SLC6A12: variants seen among roughly 807,000 people sequenced by gnomAD.
SLC6A12 encodes sodium- and chloride-dependent betaine transporter.
Under a neutral mutation model 73.3 loss-of-function variants are expected in SLC6A12, and 50 were observed. That is an observed-to-expected ratio of 0.68 (90% CI 0.54 to 0.86). The LOEUF is 0.86. SLC6A12 is among the 40% of genes least tolerant of loss of function. SLC6A12 has a pLI of 0.00. For synonymous variants in SLC6A12, 304 were observed against 309.2 expected (o/e 0.98, Z 0.18); for missense variants, 648 against 772.8 (o/e 0.84, Z 1.92).
At chr12:193,921 AC>A (rs1939742016) in intron 13 of SLC6A12, 1 of 152,264 alleles carries the variant, frequency 6.6e-6, no homozygotes, top group Non-Finnish European at 1.5e-5. Flanking sequence ...TTTAGTGAAA[AC>A]ATTGACTGGC....
In SLC6A12 at chr12:202,827, T is replaced by C. The variant is rs528449037; in HGVS notation, c.403A>G (p.Ile135Val). ...IESYLNVYYI[I>V]ILAWALFYLF... is the part of the protein sequence containing the mutation. ...TAGAAGAGAGCCCAGGCAAGGATGATGATGTAGTAGACATTCAAATATGAC... is the reference window on the plus strand; with the variant it reads ...TAGAAGAGAGCCCAGGCAAGGATGACGATGTAGTAGACATTCAAATATGAC... Residue 135 changes from isoleucine (I) to valine (V), a missense_variant, in exon 5 of 16, where the codon ATC (isoleucine) becomes GTC (valine). Physicochemically the swap from Ile to Val is conservative, Grantham distance 29 (BLOSUM62 3). Transcript: ENST00000684302. 6.2e-7 allele frequency: 1 copy of C among 1,613,948 alleles called. No individual in the cohort carries two copies. Among genetic ancestry groups the C allele is most frequent in the Admixed American group, 1.7e-5 (1 of 60,016 alleles).
Position 193,370 on chromosome 12 carries a change from G to T in SLC6A12, c.1437C>A (p.Asp479Glu). 1 of 1,613,348 alleles carries T rather than the reference G, an allele frequency of 6.2e-7. No homozygotes were observed. ...VVCISWVYGA[D>E]RFYDNIEDMI... ...TGTCCTCAATGTTGTCATAGAAACG[G>T]TCCGCCCCTGAGCAGGCATGGCGTG... Residue 479 changes from aspartate (D) to glutamate (E), a missense_variant, in exon 14 of 16, where the codon GAC becomes GAA. Coordinates refer to ENST00000684302, the MANE Select transcript of SLC6A12 (RefSeq NM_001122848.3).
intron 14 of SLC6A12, 53 bp from the exon 15 acceptor site, chr12:192,701 C>T: frequency 6.4e-7 from 1 of 1,552,526 alleles, no homozygotes; most frequent in Non-Finnish European, 8.9e-7. Context: ...CTGAAACCCT[C>T]TCCGCAGCTA....
chr12:209,578 G>A (rs1168015054), intron 3 of SLC6A12, 195 bp downstream of exon 3: 39 of 619,156 alleles, frequency 6.3e-5, no homozygotes, highest in Non-Finnish European at 1.1e-4. Context: ...CCGTCACCCT[G>A]GGAGGTATTG....
chr12:194,794 G>C (rs1950366757), intron 13 of SLC6A12, among the ~76,000 whole-genome samples: 1 of 152,150 alleles, frequency 6.6e-6, no homozygotes, highest in African/African-American at 2.4e-5. Flanking sequence ...AAAAACACAG[G>C]AATGAGCTCC....
chr12:184,056 A>G, the SLC6A12 span, among the ~76,000 whole-genome samples: 1 of 152,160 alleles, frequency 6.6e-6, no homozygotes, highest in African/African-American at 2.4e-5. Context: ...AGAAATTCTA[A>G]ACACAATATT....
chr12:187,589 CAAAAA>C (rs761187495), downstream of SLC6A12, among the ~76,000 whole-genome samples: 6 of 106,062 alleles, frequency 5.7e-5, no homozygotes, highest in South Asian at 3.6e-4. Context: ...TGCAAAAGAG[CAAAAA>C]AAAAAAAAAA....
chr12:197,326 G>C (rs1939972075), intron 10 of SLC6A12, 51 bp downstream of exon 10: 1 of 1,569,212 alleles, frequency 6.4e-7, no homozygotes, highest in Non-Finnish European at 8.6e-7. Flanking sequence ...AGAGAAGTGT[G>C]TTCTCTGACT....
intron 9 of SLC6A12, 127 bp from the exon 10 acceptor site, chr12:197,628 G>T: frequency 9.9e-7 from 1 of 1,007,512 alleles, no homozygotes. Context: ...GGGAGGCAAG[G>T]GAGGCACAGA....
intron 6 of SLC6A12, chr12:201,235 T>C: frequency 5.2e-6 from 1 of 193,694 alleles, no homozygotes; most frequent in Non-Finnish European, 1.1e-5. Context: ...TACGTGGGGG[T>C]TAGCTCAGTG....
chr12:207,613 G>C (rs936981019), intron 3 of SLC6A12, among the ~76,000 whole-genome samples: 1 of 152,148 alleles, frequency 6.6e-6, no homozygotes, highest in East Asian at 1.9e-4. Context: ...CTTATGGTCA[G>C]CTTGATATAA....
Position 191,213 on chromosome 12 carries a change from T to C in SLC6A12, c.1702-2A>G. 1 of 1,265,490 alleles carries C rather than the reference T, an allele frequency of 7.9e-7. No individual in the cohort carries two copies. Among genetic ancestry groups the C allele is most frequent in the South Asian group, 3.5e-5 (1 of 28,220 alleles). The allele number at this position is 1,265,490 out of a possible 1,614,324, so 78.4% of individuals were successfully genotyped here. A position where few individuals can be genotyped will look rare whatever the true frequency, so the allele number is the denominator to read the frequency against. On this transcript the variant is annotated splice_acceptor_variant, in intron 15 of 15. Coordinates refer to ENST00000684302, the MANE Select transcript of SLC6A12 (RefSeq NM_001122848.3). LOFTEE classifies it high-confidence loss of function. Reference sequence around the variant, plus strand: ...AGGGGTGATGAGCTGACGCAGACGCTGTGGAGAGAAGAGGCAGGGATTTGG... The same window carrying C: ...AGGGGTGATGAGCTGACGCAGACGCCGTGGAGAGAAGAGGCAGGGATTTGG...
chr12:212,387 G>C (rs967477886), intron 1 of SLC6A12, among the ~76,000 whole-genome samples: 1 of 152,208 alleles, frequency 6.6e-6, no homozygotes, highest in Non-Finnish European at 1.5e-5. Context: ...GGGAAAGCCG[G>C]AGGGGCGCAG....
At chr12:191,955 G>C (rs895003252) in intron 15 of SLC6A12, among the ~76,000 whole-genome samples, 8 of 152,192 alleles carry the variant, frequency 5.3e-5, no homozygotes, top group Non-Finnish European at 8.8e-5. Flanking sequence ...ATTATTTATA[G>C]GCAAGATAGA....
chr12:194,937 A>G (rs12318158), intron 13 of SLC6A12, among the ~76,000 whole-genome samples: 3 of 152,216 alleles, frequency 2.0e-5, no homozygotes, highest in Non-Finnish European at 2.9e-5. Flanking sequence ...ACAGGGCCTC[A>G]GGCCACCTCC....
rs1299564197 is a variant in SLC6A12 at position 192,595 on chromosome 12, GACGTTGTTGT to G, written c.1574_1583del (p.Tyr525SerfsTer32). ...AGTATCCCCAGGGCGGGTACACATA[GACGTTGTTGT>G]ACTTGAGGGGGGTGTACTTGCTCAA... On this transcript the variant is annotated frameshift_variant, in exon 15 of 16. Coordinates refer to ENST00000684302, the MANE Select transcript of SLC6A12 (RefSeq NM_001122848.3). LOFTEE classifies it high-confidence loss of function. The G allele has an allele frequency of 6.2e-7, 1 of 1,614,000 alleles. No homozygotes were observed. The highest frequency in any genetic ancestry group is 1.3e-5 in the African/African-American group (1 of 74,902).
chr12:198,541 G>T lies in SLC6A12; in HGVS notation c.846+256C>A. 5.5e-6 allele frequency: 2 copies of T among 362,814 alleles called. No individual in the cohort carries two copies. Among genetic ancestry groups the T allele is most frequent in the Non-Finnish European group, 1.0e-5 (2 of 200,196 alleles). 22.5% of individuals were successfully genotyped at this position (362,814 alleles called of 1,614,324 possible). On this transcript the variant is annotated intron_variant, in intron 8 of 15. Coordinates refer to ENST00000684302, the MANE Select transcript of SLC6A12 (RefSeq NM_001122848.3). The surrounding 1 kb of genome is among the most constrained non-coding windows in gnomAD (Gnocchi z 4.0). ...ATGGCACCACTGCACTCCAGCCTGG[G>T]GGACAGAGCCAGACCCTGCCTGTCT...
chr12:185,515 G>A (rs1008597614), downstream of SLC6A12, among the ~76,000 whole-genome samples: 4 of 152,210 alleles, frequency 2.6e-5, no homozygotes, highest in African/African-American at 9.6e-5. Flanking sequence ...AGATGTGCTT[G>A]GGCAGAAAAA....
At chr12:200,886 A>C in intron 6 of SLC6A12, 103 bp from the exon 7 acceptor site, 11 of 1,273,270 alleles carry the variant, frequency 8.6e-6, no homozygotes, top group Non-Finnish European at 1.2e-5. Context: ...CACGGATCTC[A>C]TATTCCAGGG....
Sources: allele counts gnomAD v4.1 joint callset (sites outside exome capture counted in the v4.1 genomes callset), GRCh38; gene constraint gnomAD v4.1.1; non-coding constraint Gnocchi (gnomAD v3.1); transcripts MANE v1.5; gene names NCBI Gene and HGNC (gene_info 2026-07-23, HGNC 2026-07-21).